NCAM2: variants seen among roughly 807,000 people sequenced by gnomAD.
The protein encoded by NCAM2 is N-CAM-2.
NCAM2 carries 30 observed loss-of-function variants against 98.1 expected under a neutral mutation model. The ratio of observed to expected loss-of-function variants is 0.31; its 90% CI spans 0.23 to 0.41. The LOEUF is 0.41. NCAM2 is among the 10% of genes least tolerant of loss of function. The probability of loss-of-function intolerance (pLI) is 1.00; values close to 1 mark genes in which losing one functional copy is unlikely to be tolerated. For synonymous variants in NCAM2, 368 were observed against 342.4 expected (o/e 1.07, Z -0.83); for missense variants, 867 against 1,005.8 (o/e 0.86, Z 1.87).
intron 4 of NCAM2, among the ~76,000 whole-genome samples, chr21:21,289,429 G>A (rs2826769): frequency 0.093 from 14,047 of 151,850 alleles, 1,140 homozygotes; most frequent in East Asian, 0.3. Flanking sequence ...TGTAAACTAC[G>A]TAGGATAAGA....
intron 1 of NCAM2, among the ~76,000 whole-genome samples, chr21:21,104,675 C>G (rs1367979100): frequency 3.9e-5 from 6 of 151,918 alleles, no homozygotes; most frequent in African/African-American, 1.5e-4. Flanking sequence ...AAAGAAGGGC[C>G]TGTCGGTGGG....
chr21:21,133,900 T>C (rs1337618373), intron 1 of NCAM2, among the ~76,000 whole-genome samples: 1 of 152,238 alleles, frequency 6.6e-6, no homozygotes, highest in East Asian at 1.9e-4. Context: ...ATCTCACTGG[T>C]ACATATTGAT....
intron 9 of NCAM2, among the ~76,000 whole-genome samples, chr21:21,397,267 C>G (rs2076530795): frequency 6.6e-6 from 1 of 152,164 alleles, no homozygotes; most frequent in Non-Finnish European, 1.5e-5. Context: ...ATAGCCCTAA[C>G]TCCAGGCTTC....
At chr21:21,200,407 CTG>C (rs760858593) in intron 1 of NCAM2, among the ~76,000 whole-genome samples, 406 of 37,498 alleles carry the variant, frequency 0.011, 2 homozygotes, top group Middle Eastern at 0.017. Context: ...AACCCCATGC[CTG>C]AAAAAAAAAA....
At chr21:21,179,754 T>C (rs939874013) in intron 1 of NCAM2, among the ~76,000 whole-genome samples, 3 of 152,238 alleles carry the variant, frequency 2.0e-5, no homozygotes, top group African/African-American at 7.2e-5. Flanking sequence ...AGTGCAGATG[T>C]AGGACGTCAT....
intron 15 of NCAM2, among the ~76,000 whole-genome samples, chr21:21,503,386 G>A (rs1987761793): frequency 6.6e-6 from 1 of 151,756 alleles, no homozygotes; most frequent in East Asian, 1.9e-4. Context: ...GACAATAGAG[G>A]GCTGAAACAG....
At chr21:21,089,306 T>C (rs892125063) in intron 1 of NCAM2, among the ~76,000 whole-genome samples, 2 of 152,152 alleles carry the variant, frequency 1.3e-5, no homozygotes, top group African/African-American at 4.8e-5. Context: ...TCGAAAAGAA[T>C]TTTGCTGTTC....
intron 13 of NCAM2, among the ~76,000 whole-genome samples, chr21:21,467,430 A>ATATATATATCTT (rs1286559419): frequency 1.4e-5 from 2 of 147,096 alleles, no homozygotes; most frequent in African/African-American, 4.9e-5. Context: ...ATATCTTTTT[A>ATATATATATCTT]TATATATATA....
intron 1 of NCAM2, among the ~76,000 whole-genome samples, chr21:21,077,444 A>G (rs558364995): frequency 1.7e-4 from 26 of 152,322 alleles, no homozygotes; most frequent in African/African-American, 6.3e-4. Context: ...AGAAATAAAA[A>G]CAATAGACCT....
At chr21:21,429,107 T>C (rs1045011580) in intron 11 of NCAM2, among the ~76,000 whole-genome samples, 9 of 151,886 alleles carry the variant, frequency 5.9e-5, no homozygotes, top group African/African-American at 2.2e-4. Flanking sequence ...TTAAAAGAAG[T>C]AATAGAAATA....
intron 1 of NCAM2, among the ~76,000 whole-genome samples, chr21:21,103,610 A>G (rs1337712302): frequency 6.6e-6 from 1 of 152,036 alleles, no homozygotes; most frequent in African/African-American, 2.4e-5. Context: ...AAAATCCATA[A>G]TGCTTCTGTA....
chr21:21,110,681 A>T (rs2066436612), intron 1 of NCAM2, among the ~76,000 whole-genome samples: 1 of 151,358 alleles, frequency 6.6e-6, no homozygotes, highest in Non-Finnish European at 1.5e-5. Context: ...GTATATTTTG[A>T]TTTTATTAAA....
intron 15 of NCAM2, among the ~76,000 whole-genome samples, chr21:21,501,708 G>A (rs113655055): frequency 1.3e-4 from 20 of 151,470 alleles, no homozygotes; most frequent in African/African-American, 4.8e-4. Flanking sequence ...CCTAGATGGA[G>A]CCCTGCTGCA....
intron 5 of NCAM2, among the ~76,000 whole-genome samples, chr21:21,320,510 A>G (rs2074349082): frequency 6.6e-6 from 1 of 152,122 alleles, no homozygotes; most frequent in South Asian, 2.1e-4. Context: ...ACCAGAAGCA[A>G]TATTAATGAA....
rs9978458 is a variant in NCAM2, at chr21:21,462,732, A to G, written c.1655-3874A>G. 2.6e-3 allele frequency among the ~76,000 whole-genome samples: 399 copies of G among 152,142 alleles called. 2 individuals carry two copies. Among genetic ancestry groups the G allele is most frequent in the African/African-American group, 9.2e-3 (384 of 41,546 alleles). ...AAAGCGTTATTTCTAAAATTCAGTT[A>G]TATATAAATGATGTAGAAATATTAG... is the stretch of plus-strand genomic sequence containing the variant. On this transcript the variant is annotated intron_variant, in intron 12 of 17. Transcript: ENST00000400546.
chr21:21,318,498 A>G (rs2074284003), intron 5 of NCAM2, among the ~76,000 whole-genome samples: 2 of 152,128 alleles, frequency 1.3e-5, no homozygotes, highest in Non-Finnish European at 2.9e-5. Flanking sequence ...GATTAGCTTT[A>G]GTAAATTGTA....
At chr21:21,020,060 G>A (rs1458769945) in intron 1 of NCAM2, among the ~76,000 whole-genome samples, 1 of 151,714 alleles carries the variant, frequency 6.6e-6, no homozygotes, top group Non-Finnish European at 1.5e-5. Flanking sequence ...TTTTTGAGAT[G>A]CTGTCTCGCA....
intron 1 of NCAM2, among the ~76,000 whole-genome samples, chr21:21,222,097 A>G (rs1319740756): frequency 2.6e-5 from 4 of 152,208 alleles, no homozygotes; most frequent in Non-Finnish European, 1.5e-5. Flanking sequence ...ACATAGCTTT[A>G]TAACATGATG....
intron 1 of NCAM2, among the ~76,000 whole-genome samples, chr21:21,200,538 C>A (rs370051963): frequency 6.6e-6 from 1 of 151,780 alleles, no homozygotes; most frequent in Admixed American, 6.6e-5. Context: ...CTGTCAAATG[C>A]AATTTATAAA....
Sources: gnomAD v4.1 joint callset for allele counts (sites outside exome capture counted in the v4.1 genomes callset) on GRCh38, gnomAD v4.1.1 for gene constraint, MANE v1.5 for transcripts, NCBI Gene and HGNC (gene_info 2026-07-23, HGNC 2026-07-21) for gene names.